Variants in KLHL29 observed in about 807,000 individuals in gnomAD.
The protein encoded by KLHL29 is kelch-like protein 29.
In KLHL29, 21 loss-of-function variants were observed where a neutral mutation model predicts 80.4. The observed-to-expected ratio is 0.26, with a 90% CI of 0.19 to 0.38. The LOEUF (loss-of-function observed/expected upper bound fraction) is 0.38. Ranked by LOEUF, KLHL29 falls within the 10% of genes least tolerant of loss-of-function variation. The pLI is 1.00. For synonymous variants in KLHL29, 511 were observed against 526.8 expected (o/e 0.97, Z 0.41); for missense variants, 867 against 1,223.9 (o/e 0.71, Z 4.35).
intron 3 of KLHL29, among the ~76,000 whole-genome samples, chr2:23,613,763 C>CAAAAAAAAAAAAAAAAAAAAAA (rs1157736706): frequency 1.6e-5 from 1 of 63,718 alleles, no homozygotes; most frequent in Admixed American, 2.1e-4. Context: ...GACTCCATCT[C>CAAAAAAAAAAAAAAAAAAAAAA]AAAAAAAAAA....
chr2:23,489,279 G>A (rs1049661200), intron 2 of KLHL29, among the ~76,000 whole-genome samples: 1 of 152,080 alleles, frequency 6.6e-6, no homozygotes, highest in Non-Finnish European at 1.5e-5. Context: ...GAGCCTGGTT[G>A]GTCCTTCTAC....
intron 1 of KLHL29, among the ~76,000 whole-genome samples, chr2:23,409,157 G>A (rs1248211084): frequency 6.6e-6 from 1 of 152,092 alleles, no homozygotes; most frequent in African/African-American, 2.4e-5. Flanking sequence ...TTTCCCCATT[G>A]GTGATCCCTG....
intron 1 of KLHL29, among the ~76,000 whole-genome samples, chr2:23,432,187 T>C (rs1572507769): frequency 6.6e-6 from 1 of 152,366 alleles, no homozygotes; most frequent in Non-Finnish European, 1.5e-5. Flanking sequence ...TCTGCTTTTT[T>C]CACTTAGAGA....
intron 2 of KLHL29, among the ~76,000 whole-genome samples, chr2:23,542,931 C>G (rs1021342592): frequency 6.6e-6 from 1 of 152,162 alleles, no homozygotes; most frequent in Admixed American, 6.5e-5. Flanking sequence ...GCTTCTGCTT[C>G]CTCCCCTGGG....
rs550139398 is a variant in KLHL29, at chr2:23,592,525, G to T, written c.285+30044G>T. On this transcript the variant is annotated intron_variant, in intron 3 of 13. Coordinates refer to ENST00000486442, the MANE Select transcript of KLHL29 (RefSeq NM_052920.2). ...GGGTCCACATGGCCGCAGGCCGGGGGCCTCTCCAGGAGCACAGAGATGTGT... is the reference window on the plus strand; with the variant it reads ...GGGTCCACATGGCCGCAGGCCGGGGTCCTCTCCAGGAGCACAGAGATGTGT... 6.6e-4 allele frequency among the ~76,000 whole-genome samples: 101 copies of T among 152,384 alleles called. 1 individual carries two copies. The highest frequency in any genetic ancestry group is 1.6e-3 in the Admixed American group (24 of 15,310).
chr2:23,625,602 G>C (rs1004420666), intron 3 of KLHL29, among the ~76,000 whole-genome samples: 5 of 152,174 alleles, frequency 3.3e-5, no homozygotes, highest in African/African-American at 9.7e-5. Context: ...ACACTCCCTG[G>C]GGTCTAGCGG....
intron 3 of KLHL29, among the ~76,000 whole-genome samples, chr2:23,613,484 G>A (rs769977878): frequency 1.3e-5 from 2 of 152,074 alleles, no homozygotes; most frequent in Non-Finnish European, 1.5e-5. Context: ...ACCCATCCTT[G>A]GCCGGGCACG....
Position 23,503,759 on chromosome 2 carries a change from G to A in KLHL29, c.-46+28092G>A, listed in dbSNP as rs1650464042. Among the ~76,000 whole-genome samples the A allele has an allele frequency of 6.6e-6, 1 of 152,248 alleles. No homozygotes were observed. The highest frequency in any genetic ancestry group is 2.1e-4 in the South Asian group (1 of 4,834). ...TGACCGGCAGCAGCTGCCAGCGAAGGAGGAAGGAAACACAGACAGGAGGTC... is the reference window on the plus strand; with the variant it reads ...TGACCGGCAGCAGCTGCCAGCGAAGAAGGAAGGAAACACAGACAGGAGGTC... On this transcript the variant is annotated intron_variant, in intron 2 of 13. Coordinates refer to ENST00000486442, the MANE Select transcript of KLHL29 (RefSeq NM_052920.2). The surrounding 1 kb of genome is among the most constrained non-coding windows in gnomAD (Gnocchi z 4.0).
At chr2:23,615,231 A>G (rs563034869) in intron 3 of KLHL29, among the ~76,000 whole-genome samples, 3 of 152,330 alleles carry the variant, frequency 2.0e-5, no homozygotes, top group East Asian at 3.9e-4. Flanking sequence ...AGCATTTTGC[A>G]GATGAGAAAA....
rs1002739714 is a variant in KLHL29 at position 23,595,788 on chromosome 2, C to T, written c.285+33307C>T. Among the ~76,000 whole-genome samples, 5 of 152,184 alleles carry T rather than the reference C, an allele frequency of 3.3e-5. No homozygotes were observed. In the East Asian group the frequency reaches 5.8e-4, roughly 18 times the overall value. ...CAGACTGCCCTCTGCAGGTCCTCCT[C>T]CATCCCTTCCCATGCTGTCTCTCCA... is the stretch of plus-strand genomic sequence containing the variant. On this transcript the variant is annotated intron_variant, in intron 3 of 13. Transcript: ENST00000486442.
chr2:23,507,772 A>T (rs1365520228), intron 2 of KLHL29, among the ~76,000 whole-genome samples: 1 of 151,798 alleles, frequency 6.6e-6, no homozygotes, highest in African/African-American at 2.4e-5. Context: ...TGTTGCTCTG[A>T]CCTTTGACAA....
At chr2:23,437,591 C>T (rs553891608) in intron 1 of KLHL29, among the ~76,000 whole-genome samples, 6 of 151,962 alleles carry the variant, frequency 3.9e-5, no homozygotes, top group East Asian at 3.9e-4. Context: ...ATTCACTTGG[C>T]GTACAGCCTA....
chr2:23,671,008 C>CAA (rs1670729846), intron 5 of KLHL29, among the ~76,000 whole-genome samples: 1 of 94,864 alleles, frequency 1.1e-5, no homozygotes, highest in Admixed American at 1.1e-4. Context: ...CTCCCCCCCC[C>CAA]CACCTCCTCC....
chr2:23,684,099 G>A lies in KLHL29; in HGVS notation c.941-300G>A, dbSNP rs1443094601. Reference sequence around the variant, plus strand: ...GTATTCTCTATGTTTCCAATCGTCAGTATGGGAATCTCTCCCCCAACCTTT... The same window carrying A: ...GTATTCTCTATGTTTCCAATCGTCAATATGGGAATCTCTCCCCCAACCTTT... On this transcript the variant is annotated intron_variant, in intron 5 of 13. Coordinates refer to ENST00000486442, the MANE Select transcript of KLHL29 (RefSeq NM_052920.2). The surrounding 1 kb of genome is among the most constrained non-coding windows in gnomAD (Gnocchi z 4.4). Among the ~76,000 whole-genome samples the A allele has an allele frequency of 1.3e-5, 2 of 152,144 alleles. No homozygotes were observed. Among genetic ancestry groups the A allele is most frequent in the South Asian group, 2.1e-4 (1 of 4,832 alleles).
At chr2:23,658,570 G>A (rs1210816256) in intron 5 of KLHL29, among the ~76,000 whole-genome samples, 1 of 152,232 alleles carries the variant, frequency 6.6e-6, no homozygotes, top group East Asian at 1.9e-4. Flanking sequence ...AAGCAGTCTG[G>A]AGGGGAAGGG....
chr2:23,481,052 C>G (rs1025914130), intron 2 of KLHL29, among the ~76,000 whole-genome samples: 4 of 152,232 alleles, frequency 2.6e-5, no homozygotes, highest in Admixed American at 6.5e-5. Context: ...AACGGTAACT[C>G]TCAACTCTGG....
At chr2:23,638,589 G>A (rs1403021001) in intron 3 of KLHL29, among the ~76,000 whole-genome samples, 14 of 152,140 alleles carry the variant, frequency 9.2e-5, no homozygotes, top group Admixed American at 9.2e-4. Context: ...TAGGACAATT[G>A]GGCCTCAGAG....
chr2:23,456,205 G>T (rs574057201), intron 1 of KLHL29, among the ~76,000 whole-genome samples: 2 of 152,224 alleles, frequency 1.3e-5, no homozygotes, highest in Non-Finnish European at 2.9e-5. Context: ...CTTCCAAGCA[G>T]ATTCCTGTTT....
rs1672832066 is a variant in KLHL29, at chr2:23,708,032, A to C, written c.*1368A>C. ...GCGCTGTTGAGTTGAAGTTGGTACC[A>C]AATACACATTTACCACTTTTATATC... On this transcript the variant is annotated 3_prime_UTR_variant, in exon 14 of 14. Coordinates refer to ENST00000486442, the MANE Select transcript of KLHL29 (RefSeq NM_052920.2). The C allele has an allele frequency of 6.6e-6, 1 of 152,224 alleles. No homozygotes were observed. Among genetic ancestry groups the C allele is most frequent in the Non-Finnish European group, 1.5e-5 (1 of 68,040 alleles). The allele number at this position is 152,224 out of a possible 1,614,324, so 9.4% of individuals were successfully genotyped here. A position where few individuals can be genotyped will look rare whatever the true frequency, so the allele number is the denominator to read the frequency against.
Sources: gnomAD v4.1 joint callset for allele counts (sites outside exome capture counted in the v4.1 genomes callset) on GRCh38, gnomAD v4.1.1 for gene constraint, Gnocchi (gnomAD v3.1) non-coding constraint, MANE v1.5 for transcripts, NCBI Gene and HGNC (gene_info 2026-07-23, HGNC 2026-07-21) for gene names.